The following CFAP54 variants were observed in gnomAD, a reference collection of about 807,000 sequenced individuals.
CFAP54 encodes cilia- and flagella-associated protein 54.
Under a neutral mutation model 370.4 loss-of-function variants are expected in CFAP54, and 290 were observed. That is an observed-to-expected ratio of 0.78 (90% CI 0.71 to 0.86). The LOEUF (loss-of-function observed/expected upper bound fraction) is 0.86. Ranked by LOEUF, CFAP54 falls within the 40% of genes least tolerant of loss-of-function variation. The pLI, the probability that CFAP54 is intolerant of heterozygous loss-of-function variation, is 0.00. For synonymous variants in CFAP54, 1,206 were observed against 1,236.5 expected (o/e 0.98, Z 0.52); for missense variants, 3,399 against 3,528.7 (o/e 0.96, Z 0.93).
intron 6 of CFAP54, among the ~76,000 whole-genome samples, chr12:96,519,868 CA>C (rs1246919295): frequency 1.3e-5 from 2 of 152,174 alleles, no homozygotes; most frequent in Non-Finnish European, 2.9e-5. Flanking sequence ...CAATAGATCT[CA>C]AAAACTTCTA....
chr12:96,658,135 TAGA>T, intron 37 of CFAP54, 30 bp downstream of exon 37: 9 of 1,583,170 alleles, frequency 5.7e-6, no homozygotes, highest in Non-Finnish European at 7.7e-6. Flanking sequence ...CAATTAAAAG[TAGA>T]AGACTTCATT....
intron 4 of CFAP54, among the ~76,000 whole-genome samples, chr12:96,512,305 A>T (rs1211106534): frequency 2.8e-4 from 3 of 10,818 alleles, no homozygotes; most frequent in African/African-American, 1.8e-3. Context: ...CCAATTTTAT[A>T]TATATATATA....
chr12:96,854,850 T>C (rs1156726616), intron 66 of CFAP54, among the ~76,000 whole-genome samples: 1 of 152,230 alleles, frequency 6.6e-6, no homozygotes, highest in African/African-American at 2.4e-5. Flanking sequence ...GTTTGTTACA[T>C]AGGTAAACTC....
intron 66 of CFAP54, among the ~76,000 whole-genome samples, chr12:96,860,300 CA>C (rs761491765): frequency 6.6e-6 from 1 of 152,134 alleles, no homozygotes; most frequent in Non-Finnish European, 1.5e-5. Flanking sequence ...GTCCTTCCCC[CA>C]ATCAATAACC....
chr12:96,607,388 A>G (rs1379016765), intron 26 of CFAP54, among the ~76,000 whole-genome samples: 1 of 152,222 alleles, frequency 6.6e-6, no homozygotes, highest in Admixed American at 6.5e-5. Flanking sequence ...ATGTGATCTA[A>G]AAGAAAACAA....
intron 32 of CFAP54, among the ~76,000 whole-genome samples, chr12:96,638,204 C>CATATATATAT (rs1491263304): frequency 1.4e-5 from 1 of 72,050 alleles, no homozygotes; most frequent in African/African-American, 4.8e-5. Flanking sequence ...TATATATATG[C>CATATATATAT]ATGTGTGTGT....
chr12:96,575,253 T>G (rs1296238415), intron 19 of CFAP54, among the ~76,000 whole-genome samples: 2 of 152,128 alleles, frequency 1.3e-5, no homozygotes, highest in African/African-American at 2.4e-5. Context: ...AAATTCTCAG[T>G]TATAACAGTG....
intron 26 of CFAP54, among the ~76,000 whole-genome samples, chr12:96,612,170 T>G (rs1385048082): frequency 6.6e-6 from 1 of 152,184 alleles, no homozygotes; most frequent in Non-Finnish European, 1.5e-5. Context: ...GGGAAGCCCA[T>G]CAGACTAACA....
chr12:96,683,121 C>CATT (rs1238364442), intron 40 of CFAP54, among the ~76,000 whole-genome samples: 1 of 152,080 alleles, frequency 6.6e-6, no homozygotes, highest in African/African-American at 2.4e-5. Context: ...TTCTTATACA[C>CATT]ATTATTTTGA....
chr12:96,718,541 T>C lies in CFAP54; in HGVS notation c.6804+19T>C, dbSNP rs1957712048. 5.5e-6 allele frequency: 8 copies of C among 1,466,214 alleles called. No homozygotes were observed. The South Asian group carries it at 9.4e-5, about 17-fold the overall frequency. The allele number at this position is 1,466,214 out of a possible 1,614,324, so 90.8% of individuals were successfully genotyped here. Reference sequence around the variant, plus strand: ...GCTAAAGGTAAGTTTGAAACTGTTTTCAAACCATTAAGTTAGTTACCAAAA... The same window carrying C: ...GCTAAAGGTAAGTTTGAAACTGTTTCCAAACCATTAAGTTAGTTACCAAAA... On this transcript the variant is annotated intron_variant, in intron 49 of 67. Coordinates refer to ENST00000524981, the MANE Select transcript of CFAP54 (RefSeq NM_001306084.2).
chr12:96,527,490 T>C (rs1955396076), intron 9 of CFAP54, 46 bp downstream of exon 9: 2 of 1,327,198 alleles, frequency 1.5e-6, no homozygotes, highest in Non-Finnish European at 2.0e-6. Context: ...ATGATACACA[T>C]GAGTAACAAA....
rs115747168 is a variant in CFAP54, at chr12:96,530,654, G to A, written c.1358-3138G>A. 3.7e-3 allele frequency among the ~76,000 whole-genome samples: 559 copies of A among 152,332 alleles called. 3 individuals are homozygous for A. Among genetic ancestry groups the A allele is most frequent in the African/African-American group, 0.012 (500 of 41,570 alleles). Reference sequence around the variant, plus strand: ...TATGAACAGTTGAGTACAAGTTTTTGTGTGAAGGTAAGTTTTCATTTCTCT... The same window carrying A: ...TATGAACAGTTGAGTACAAGTTTTTATGTGAAGGTAAGTTTTCATTTCTCT... On this transcript the variant is annotated intron_variant, in intron 9 of 67. Transcript: ENST00000524981.
chr12:96,512,629 T>C (rs958716652), intron 4 of CFAP54, among the ~76,000 whole-genome samples: 3 of 152,010 alleles, frequency 2.0e-5, no homozygotes, highest in African/African-American at 7.2e-5. Context: ...GCGTAGCCAC[T>C]GTACACAGCT....
At chr12:96,506,878 T>C in intron 3 of CFAP54, 50 bp from the exon 4 acceptor site, 1 of 1,475,484 alleles carries the variant, frequency 6.8e-7, no homozygotes, top group Non-Finnish European at 9.0e-7. Flanking sequence ...TGAGCTACTG[T>C]TCCTGGCCAG....
chr12:96,617,322 T>G (rs189418546), intron 26 of CFAP54, among the ~76,000 whole-genome samples: 7 of 152,318 alleles, frequency 4.6e-5, no homozygotes, highest in Admixed American at 4.6e-4. Flanking sequence ...GTATCAGGAC[T>G]GCAATTGAAG....
chr12:96,833,295 G>A (rs1199520854), intron 66 of CFAP54, among the ~76,000 whole-genome samples: 2 of 152,074 alleles, frequency 1.3e-5, no homozygotes, highest in African/African-American at 2.4e-5. Context: ...TTGTTCTCAC[G>A]GTGACTGACC....
chr12:96,759,159 T>TATTCATATGGCAGCTGCC (rs763952054), intron 58 of CFAP54, among the ~76,000 whole-genome samples: 25 of 151,980 alleles, frequency 1.6e-4, no homozygotes, highest in Non-Finnish European at 3.1e-4. Flanking sequence ...TCTTACCAAT[T>TATTCATATGGCAGCTGCC]ATTCATATGG....
intron 19 of CFAP54, chr12:96,573,087 G>A (rs947044301): frequency 5.3e-6 from 5 of 944,428 alleles, no homozygotes; most frequent in South Asian, 4.9e-5. Context: ...GGGCCAGTGG[G>A]CCAGTGCTGC....
intron 8 of CFAP54, among the ~76,000 whole-genome samples, chr12:96,525,560 T>A (rs1462795428): frequency 6.6e-6 from 1 of 152,206 alleles, no homozygotes; most frequent in Non-Finnish European, 1.5e-5. Flanking sequence ...TTTTGAATAC[T>A]TCTAATTATT....
Sources: allele counts gnomAD v4.1 joint callset (sites outside exome capture counted in the v4.1 genomes callset), GRCh38; gene constraint gnomAD v4.1.1; transcripts MANE v1.5; gene names NCBI Gene and HGNC (gene_info 2026-07-23, HGNC 2026-07-21).